The following PGCKA1 variants were observed in gnomAD, a reference collection of about 807,000 sequenced individuals.
PGCKA1 encodes the protein PDCD10 and GCKIII kinases-associated protein 1.
At chr4:37,516,421 TG>T in the PGCKA1 span, among the ~76,000 whole-genome samples, 1 of 152,262 alleles carries the variant, frequency 6.6e-6, no homozygotes, top group Non-Finnish European at 1.5e-5. Context: ...TATATGTCTA[TG>T]TGTATCTTTG....
the PGCKA1 span, among the ~76,000 whole-genome samples, chr4:37,487,969 T>G: frequency 6.6e-6 from 1 of 152,154 alleles, no homozygotes; most frequent in Non-Finnish European, 1.5e-5. Context: ...ACATTTGGAT[T>G]ATTTCAGTTT....
chr4:37,565,365 C>T, the PGCKA1 span, among the ~76,000 whole-genome samples: 1 of 152,130 alleles, frequency 6.6e-6, no homozygotes, highest in African/African-American at 2.4e-5. Context: ...CATGTATCCT[C>T]ATGTAGAAGG....
chr4:37,482,230 A>G, the PGCKA1 span, among the ~76,000 whole-genome samples: 1 of 152,212 alleles, frequency 6.6e-6, no homozygotes, highest in Non-Finnish European at 1.5e-5. Flanking sequence ...ACGTTGGAAC[A>G]GTTTGGAGGG....
the PGCKA1 span, among the ~76,000 whole-genome samples, chr4:37,467,749 G>A: frequency 6.6e-6 from 1 of 152,208 alleles, no homozygotes; most frequent in Non-Finnish European, 1.5e-5. Flanking sequence ...TTACTTGGAA[G>A]GCCTCATAAA....
the PGCKA1 span, among the ~76,000 whole-genome samples, chr4:37,568,883 CAA>C: frequency 2.6e-5 from 4 of 152,100 alleles, no homozygotes; most frequent in African/African-American, 9.7e-5. Context: ...ACTGAGGACT[CAA>C]GAGATTACAG....
chr4:37,553,349 T>G, the PGCKA1 span, among the ~76,000 whole-genome samples: 22 of 137,558 alleles, frequency 1.6e-4, 1 homozygote, highest in Non-Finnish European at 2.5e-4. Context: ...CACCTGATCT[T>G]TATAGTTCTT....
the PGCKA1 span, among the ~76,000 whole-genome samples, chr4:37,527,656 A>G: frequency 1.8e-5 from 2 of 113,744 alleles, no homozygotes; most frequent in Non-Finnish European, 3.6e-5. Context: ...CGTCTCTACT[A>G]AAAAATACAA....
At chr4:37,564,635 T>C in the PGCKA1 span, among the ~76,000 whole-genome samples, 4 of 152,014 alleles carry the variant, frequency 2.6e-5, no homozygotes, top group Non-Finnish European at 5.9e-5. Flanking sequence ...GCCTCCCAAG[T>C]AGCTGAGATT....
At chr4:37,539,978 A>G in the PGCKA1 span, among the ~76,000 whole-genome samples, 3 of 150,562 alleles carry the variant, frequency 2.0e-5, no homozygotes, top group Middle Eastern at 6.8e-3. Flanking sequence ...ATTTTATAAG[A>G]TACTACACCT....
At chr4:37,461,333 C>CT in the PGCKA1 span, among the ~76,000 whole-genome samples, 63 of 151,998 alleles carry the variant, frequency 4.1e-4, no homozygotes, top group South Asian at 2.3e-3. Flanking sequence ...TTTAAATTAG[C>CT]TTTTTTTCTA....
chr4:37,478,482 A>G, the PGCKA1 span, among the ~76,000 whole-genome samples: 17 of 152,206 alleles, frequency 1.1e-4, no homozygotes, highest in Non-Finnish European at 4.4e-5. Flanking sequence ...GAAGTCCGCC[A>G]AACAGAGGTT....
the PGCKA1 span, among the ~76,000 whole-genome samples, chr4:37,467,760 T>A: frequency 6.6e-6 from 1 of 152,246 alleles, no homozygotes; most frequent in Non-Finnish European, 1.5e-5. Flanking sequence ...GCCTCATAAA[T>A]AAATATGTCT....
the PGCKA1 span, among the ~76,000 whole-genome samples, chr4:37,480,809 A>G: frequency 6.6e-6 from 1 of 152,220 alleles, no homozygotes; most frequent in African/African-American, 2.4e-5. Flanking sequence ...CTGGTTGGAA[A>G]TGTTATTTGT....
the PGCKA1 span, among the ~76,000 whole-genome samples, chr4:37,462,063 TAA>T: frequency 6.6e-6 from 1 of 150,950 alleles, no homozygotes; most frequent in Non-Finnish European, 1.5e-5. Flanking sequence ...GTTGTTTGTT[TAA>T]AGGCAGCTTC....
chr4:37,573,811 A>G, the PGCKA1 span, among the ~76,000 whole-genome samples: 3 of 152,228 alleles, frequency 2.0e-5, no homozygotes, highest in African/African-American at 4.8e-5. Context: ...ACAGATTCTC[A>G]AATTTGCTTT....
chr4:37,556,086 TC>T, the PGCKA1 span, among the ~76,000 whole-genome samples: 1 of 152,214 alleles, frequency 6.6e-6, no homozygotes, highest in Admixed American at 6.5e-5. Context: ...ATCTGCAGTT[TC>T]CTGTGCATAG....
the PGCKA1 span, among the ~76,000 whole-genome samples, chr4:37,483,263 G>C: frequency 6.6e-6 from 1 of 152,124 alleles, no homozygotes; most frequent in African/African-American, 2.4e-5. Flanking sequence ...CAGACAGGCT[G>C]AACTGTGAGT....
the PGCKA1 span, among the ~76,000 whole-genome samples, chr4:37,576,761 C>T: frequency 6.6e-6 from 1 of 152,034 alleles, no homozygotes; most frequent in Admixed American, 6.5e-5. Flanking sequence ...CCCTACTATA[C>T]CCAGTGTTTT....
the PGCKA1 span, chr4:37,587,976 A>G: frequency 6.6e-6 from 1 of 152,208 alleles, no homozygotes; most frequent in South Asian, 2.1e-4. Context: ...CTCAAAAAAA[A>G]ATAATAAATA....
Sources: allele counts gnomAD v4.1 joint callset (sites outside exome capture counted in the v4.1 genomes callset), GRCh38; gene constraint gnomAD v4.1.1; transcripts MANE v1.5; gene names NCBI Gene and HGNC (gene_info 2026-07-23, HGNC 2026-07-21).